LMBR1: variants seen among roughly 807,000 people sequenced by gnomAD.
LMBR1 encodes limb region 1 protein homolog.
LMBR1 carries 52 observed loss-of-function variants against 73.9 expected under a neutral mutation model. The ratio of observed to expected loss-of-function variants is 0.70; its 90% confidence interval spans 0.56 to 0.89. LMBR1 has a LOEUF of 0.89. Ranked by LOEUF, LMBR1 falls within the 40% of genes least tolerant of loss-of-function variation. The pLI, the probability that LMBR1 is intolerant of heterozygous loss-of-function variation, is 0.00. For missense variants in LMBR1, 539 were observed against 579.8 expected (o/e 0.93, Z 0.72); for synonymous variants, 215 against 209.4 (o/e 1.03, Z -0.23).
intron 15 of LMBR1, among the ~76,000 whole-genome samples, chr7:156,696,685 C>T (rs1399078506): frequency 6.6e-6 from 1 of 152,120 alleles, no homozygotes; most frequent in Non-Finnish European, 1.5e-5. Flanking sequence ...AAAGACCTGC[C>T]CCCATGATTA....
chr7:156,717,734 C>T (rs957807679), intron 15 of LMBR1, among the ~76,000 whole-genome samples: 2 of 152,184 alleles, frequency 1.3e-5, no homozygotes, highest in African/African-American at 4.8e-5. Flanking sequence ...CTTCTTTTAA[C>T]TCTCTCTAGG....
intron 1 of LMBR1, among the ~76,000 whole-genome samples, chr7:156,848,324 T>C (rs907549615): frequency 5.3e-5 from 8 of 152,078 alleles, no homozygotes; most frequent in East Asian, 1.9e-4. Flanking sequence ...TTGCAAACTA[T>C]GCATCTGACA....
intron 4 of LMBR1, among the ~76,000 whole-genome samples, chr7:156,672,341 C>T (rs892675819): frequency 6.6e-6 from 1 of 152,082 alleles, no homozygotes; most frequent in Non-Finnish European, 1.5e-5. Flanking sequence ...CTATTACCAG[C>T]GTTAAGAACA....
At chr7:156,886,091 T>G (rs1801855626) in intron 1 of LMBR1, among the ~76,000 whole-genome samples, 1 of 151,828 alleles carries the variant, frequency 6.6e-6, no homozygotes. Flanking sequence ...GAAGATCTCT[T>G]GAGCCTGGGA....
At chr7:156,874,300 C>T (rs916876482) in intron 1 of LMBR1, among the ~76,000 whole-genome samples, 46 of 152,356 alleles carry the variant, frequency 3.0e-4, no homozygotes, top group African/African-American at 7.5e-4. Context: ...GCTCCGAGTG[C>T]GGGGCCCACC....
At chr7:156,671,279 A>G (rs1411470986) in intron 4 of LMBR1, among the ~76,000 whole-genome samples, 1 of 152,202 alleles carries the variant, frequency 6.6e-6, no homozygotes, top group Non-Finnish European at 1.5e-5. Flanking sequence ...TCCAGCACCA[A>G]TCAGATTATG....
intron 15 of LMBR1, among the ~76,000 whole-genome samples, chr7:156,699,472 T>C (rs1809125137): frequency 6.6e-6 from 1 of 151,522 alleles, no homozygotes; most frequent in Admixed American, 6.6e-5. Context: ...ACCTAGGCAA[T>C]ACCATTCAGG....
intron 5 of LMBR1, among the ~76,000 whole-genome samples, chr7:156,795,986 G>A (rs1016132951): frequency 2.0e-5 from 3 of 152,182 alleles, no homozygotes; most frequent in Admixed American, 2.0e-4. Flanking sequence ...TTTACTAAAT[G>A]TGAAATCAGC....
At chr7:156,752,471 G>C (rs1247778268) in intron 9 of LMBR1, among the ~76,000 whole-genome samples, 1 of 152,198 alleles carries the variant, frequency 6.6e-6, no homozygotes, top group African/African-American at 2.4e-5. Flanking sequence ...TCGTGTCCTT[G>C]AATCAGTGAG....
At chr7:156,854,846 C>G (rs541967961) in intron 1 of LMBR1, among the ~76,000 whole-genome samples, 2 of 152,288 alleles carry the variant, frequency 1.3e-5, no homozygotes, top group African/African-American at 4.8e-5. Flanking sequence ...GAAGTAGTCT[C>G]TAGGGGAAAC....
chr7:156,692,845 G>A (rs1585211581), intron 15 of LMBR1, among the ~76,000 whole-genome samples: 1 of 152,154 alleles, frequency 6.6e-6, no homozygotes, highest in Admixed American at 6.5e-5. Context: ...GAGTAGCAAA[G>A]ACATTAAAAC....
chr7:156,877,004 CA>C (rs879945170), intron 1 of LMBR1, among the ~76,000 whole-genome samples: 1 of 150,858 alleles, frequency 6.6e-6, no homozygotes, highest in African/African-American at 2.4e-5. Context: ...AACAAACAAA[CA>C]AAAAAAATAC....
At chr7:156,754,007 C>G (rs1821392875) in intron 9 of LMBR1, among the ~76,000 whole-genome samples, 1 of 151,918 alleles carries the variant, frequency 6.6e-6, no homozygotes, top group South Asian at 2.1e-4. Context: ...GATCTCGAGA[C>G]TCAGCGTCTT....
chr7:156,736,555 T>C (rs1010869336), intron 9 of LMBR1: 48 of 457,018 alleles, frequency 1.1e-4, no homozygotes, highest in African/African-American at 8.8e-4. Flanking sequence ...CTGTCCAGCT[T>C]GTTCTTCTGG....
intron 8 of LMBR1, among the ~76,000 whole-genome samples, chr7:156,756,980 C>G (rs1366562511): frequency 6.6e-6 from 1 of 152,094 alleles, no homozygotes; most frequent in African/African-American, 2.4e-5. Context: ...CCATGCCCAG[C>G]TAATTTTTGT....
At position 156,865,772 on chromosome 7, in the gene LMBR1, C is replaced by A. The variant is rs185563701; in HGVS notation, c.66+27156G>T. 7.9e-5 allele frequency among the ~76,000 whole-genome samples: 12 copies of A among 152,162 alleles called. No individual in the cohort carries two copies. In the East Asian group the frequency reaches 2.1e-3, roughly 27 times the overall value. ...CAGAACTAAGAGTCTAAAAACAAAC[C>A]CTTACATTTATGGTCAATTGATTTT... is the stretch of plus-strand genomic sequence containing the variant. On this transcript the variant is annotated intron_variant, in intron 1 of 16. Coordinates refer to ENST00000353442, the MANE Select transcript of LMBR1 (RefSeq NM_022458.4).
intron 8 of LMBR1, among the ~76,000 whole-genome samples, chr7:156,759,000 T>C: frequency 6.6e-6 from 1 of 152,206 alleles, no homozygotes; most frequent in East Asian, 1.9e-4. Flanking sequence ...TCAACTACTA[T>C]GGGCTAATGG....
Position 156,763,094 on chromosome 7 carries a change from T to C in LMBR1, c.619+14A>G. On this transcript the variant is annotated intron_variant, in intron 7 of 16. Transcript: ENST00000353442. Reference sequence around the variant, plus strand: ...TCTACTTTTCTCTTAATATCAAGTCTGAAAAATACTTACAGAGAAGTAACA... The same window carrying C: ...TCTACTTTTCTCTTAATATCAAGTCCGAAAAATACTTACAGAGAAGTAACA... 7.8e-7 allele frequency: 1 copy of C among 1,278,632 alleles called. No individual in the cohort carries two copies. Among genetic ancestry groups the C allele is most frequent in the Admixed American group, 2.1e-5 (1 of 48,764 alleles). 79.2% of individuals were successfully genotyped at this position (1,278,632 alleles called of 1,614,324 possible). A position where few individuals can be genotyped will look rare whatever the true frequency, so the allele number is the denominator to read the frequency against.
At chr7:156,875,271 A>C (rs1799985236) in intron 1 of LMBR1, among the ~76,000 whole-genome samples, 1 of 152,188 alleles carries the variant, frequency 6.6e-6, no homozygotes, top group African/African-American at 2.4e-5. Context: ...AATAAGAGAA[A>C]GAAAAAAGTA....
Sources: allele counts gnomAD v4.1 joint callset (sites outside exome capture counted in the v4.1 genomes callset), GRCh38; gene constraint gnomAD v4.1.1; transcripts MANE v1.5; gene names NCBI Gene and HGNC (gene_info 2026-07-23, HGNC 2026-07-21).